SLC4A4: variants seen among roughly 807,000 people sequenced by gnomAD.
SLC4A4 encodes the protein electrogenic sodium bicarbonate cotransporter 1.
In SLC4A4, 27 loss-of-function variants were observed where a neutral mutation model predicts 111.5. That is an observed-to-expected ratio of 0.24 (90% confidence interval 0.18 to 0.33). The LOEUF (loss-of-function observed/expected upper bound fraction) is 0.33. SLC4A4 is among the 10% of genes least tolerant of loss of function. The pLI, the probability that SLC4A4 is intolerant of heterozygous loss-of-function variation, is 1.00. For synonymous variants in SLC4A4, 443 were observed against 463.4 expected, an observed-to-expected ratio of 0.96 and a Z score of 0.57; for missense variants, 909 against 1,315.5, an observed-to-expected ratio of 0.69 and a Z score of 4.78.
At chr4:71,541,692 C>A (rs1479688396) in intron 18 of SLC4A4, among the ~76,000 whole-genome samples, 1 of 143,956 alleles carries the variant, frequency 6.9e-6, no homozygotes, top group Non-Finnish European at 1.5e-5. Flanking sequence ...CTCAGTCTGG[C>A]AGCAGTGAGG....
chr4:71,106,287 G>C (rs1224855136), intron 2 of SLC4A4, among the ~76,000 whole-genome samples: 39 of 150,290 alleles, frequency 2.6e-4, no homozygotes, highest in African/African-American at 9.7e-4. Flanking sequence ...GTGCTGGAGA[G>C]GATGTGGAGA....
At chr4:71,411,638 A>T (rs187676223) in intron 7 of SLC4A4, among the ~76,000 whole-genome samples, 1 of 152,322 alleles carries the variant, frequency 6.6e-6, no homozygotes, top group East Asian at 1.9e-4. Context: ...AAGCAGTTAA[A>T]AAAAAAGAAT....
intron 2 of SLC4A4, among the ~76,000 whole-genome samples, chr4:71,247,098 C>G (rs1189823915): frequency 6.6e-6 from 1 of 151,404 alleles, no homozygotes; most frequent in South Asian, 2.1e-4. Flanking sequence ...TGTTATAGCC[C>G]TATGGTATTA....
chr4:71,269,437 G>A (rs1041210959), intron 3 of SLC4A4, among the ~76,000 whole-genome samples: 2 of 152,254 alleles, frequency 1.3e-5, no homozygotes, highest in South Asian at 2.1e-4. Flanking sequence ...GGCTTTTCCC[G>A]TTGCTCATCA....
intron 6 of SLC4A4, among the ~76,000 whole-genome samples, chr4:71,370,856 G>A (rs1202392749): frequency 6.6e-6 from 1 of 152,164 alleles, no homozygotes; most frequent in Admixed American, 6.5e-5. Flanking sequence ...GGATGATATG[G>A]AAATATGGCA....
chr4:71,423,099 A>C (rs1211778569), intron 7 of SLC4A4, among the ~76,000 whole-genome samples: 1 of 152,216 alleles, frequency 6.6e-6, no homozygotes, highest in Non-Finnish European at 1.5e-5. Context: ...CCATTGTCTC[A>C]GCCCAAAATC....
intron 7 of SLC4A4, among the ~76,000 whole-genome samples, chr4:71,427,698 C>G (rs574328938): frequency 2.8e-4 from 42 of 152,024 alleles, no homozygotes; most frequent in Non-Finnish European, 5.0e-4. Context: ...ATTGTATTTG[C>G]TTTTGGCTGG....
chr4:71,446,250 C>T (rs1260909941), intron 8 of SLC4A4, among the ~76,000 whole-genome samples: 1 of 151,964 alleles, frequency 6.6e-6, no homozygotes, highest in African/African-American at 2.4e-5. Flanking sequence ...AAAGTATTTG[C>T]TGTCAATCCT....
Position 71,407,211 on chromosome 4 carries a change from C to G in SLC4A4, c.807+9558C>G, listed in dbSNP as rs551070465. On this transcript the variant is annotated intron_variant, in intron 7 of 25. Coordinates refer to ENST00000264485, the MANE Select transcript of SLC4A4 (RefSeq NM_001098484.3). ...TGAGGCAAACATCATGCTGAATAGG[C>G]TAATTACCAGAATTACTATTAAAAA... is the stretch of plus-strand genomic sequence containing the variant. 4.6e-5 allele frequency among the ~76,000 whole-genome samples: 7 copies of G among 152,074 alleles called. No individual in the cohort carries two copies. The South Asian group carries it at 1.5e-3, about 32-fold the overall frequency.
intron 2 of SLC4A4, among the ~76,000 whole-genome samples, chr4:71,152,500 CTCA>C (rs1173849363): frequency 2.6e-5 from 4 of 152,154 alleles, no homozygotes; most frequent in Non-Finnish European, 5.9e-5. Flanking sequence ...GCACATGTAG[CTCA>C]TCGTTTTCAT....
chr4:71,447,714 C>T lies in SLC4A4; in HGVS notation c.1034C>T (p.Ala345Val). 6.2e-7 allele frequency: 1 copy of T among 1,609,854 alleles called. No individual in the cohort carries two copies. The stretch of plus-strand genomic sequence containing the variant: ...TACCACGAGATTGGCAGAGCCATTG[C>T]CACCCTGATGTCTGATGAGGTAGGA... ...KSYHEIGRAI[A>V]TLMSDEVFHD... Residue 345 changes from alanine to valine, a missense_variant, in exon 9 of 26, where the codon GCC becomes GTC. Ala to Val is a moderately conservative substitution (Grantham distance 64). Transcript: ENST00000264485.
chr4:71,214,140 T>C (rs1718290230), intron 1 of SLC4A4, among the ~76,000 whole-genome samples: 1 of 152,164 alleles, frequency 6.6e-6, no homozygotes, highest in Non-Finnish European at 1.5e-5. Context: ...GTGCACAGGC[T>C]ACACCTTTGG....
Position 71,560,269 on chromosome 4 carries a change from A to G in SLC4A4, c.3099+15A>G, listed in dbSNP as rs576304574. 334 of 1,596,850 alleles carry G rather than the reference A, an allele frequency of 2.1e-4. 6 individuals carry two copies. In the Admixed American group the frequency reaches 5.2e-3, roughly 25 times the overall value. ...ACAATGATGATGTAAGGAACTTTCC[A>G]AATTCCAAAGGAAAGCTAGTTAAAG... On this transcript the variant is annotated intron_variant, in intron 23 of 25. Coordinates refer to ENST00000264485, the MANE Select transcript of SLC4A4 (RefSeq NM_001098484.3).
At chr4:71,176,341 C>T (rs900793776) in intron 2 of SLC4A4, among the ~76,000 whole-genome samples, 4 of 152,250 alleles carry the variant, frequency 2.6e-5, no homozygotes, top group Non-Finnish European at 4.4e-5. Context: ...ATGACTTTGA[C>T]GAGTTGAGAG....
chr4:71,242,692 TATA>T (rs1338078917), intron 2 of SLC4A4, among the ~76,000 whole-genome samples: 1 of 151,614 alleles, frequency 6.6e-6, no homozygotes, highest in African/African-American at 2.4e-5. Flanking sequence ...CTTTGGTTAT[TATA>T]ATTTTCTTTT....
intron 13 of SLC4A4, among the ~76,000 whole-genome samples, chr4:71,470,722 C>CA (rs145081696): frequency 6.6e-6 from 1 of 152,098 alleles, no homozygotes; most frequent in East Asian, 1.9e-4. Context: ...TAGAGGCTGA[C>CA]AAGGCTGACA....
intron 1 of SLC4A4, among the ~76,000 whole-genome samples, chr4:71,227,455 G>C (rs1719125630): frequency 6.6e-6 from 1 of 152,196 alleles, no homozygotes; most frequent in African/African-American, 2.4e-5. Flanking sequence ...GAAACCACTG[G>C]TGAGAAGGCA....
At chr4:71,356,101 C>T (rs1730265090) in intron 5 of SLC4A4, among the ~76,000 whole-genome samples, 2 of 152,164 alleles carry the variant, frequency 1.3e-5, no homozygotes, top group Admixed American at 6.5e-5. Flanking sequence ...AAATGTTGGC[C>T]TGTCATGTAG....
chr4:71,493,690 CCTCT>C (rs997003760), intron 15 of SLC4A4, among the ~76,000 whole-genome samples: 2 of 150,460 alleles, frequency 1.3e-5, no homozygotes, highest in African/African-American at 2.4e-5. Context: ...TTCCTCCCTC[CCTCT>C]CTCTCTCTCC....
Sources: gnomAD v4.1 joint callset for allele counts (sites outside exome capture counted in the v4.1 genomes callset) on GRCh38, gnomAD v4.1.1 for gene constraint, MANE v1.5 for transcripts, NCBI Gene and HGNC (gene_info 2026-07-23, HGNC 2026-07-21) for gene names.